NCOA2: variants seen among roughly 807,000 people sequenced by gnomAD.
The protein encoded by NCOA2 is class E basic helix-loop-helix protein 75.
NCOA2 carries 21 observed loss-of-function variants against 145.1 expected under a neutral mutation model. That is an observed-to-expected ratio of 0.14 (90% CI 0.10 to 0.21). The LOEUF is 0.21. NCOA2 is among the 10% of genes least tolerant of loss of function. The pLI, the probability that NCOA2 is intolerant of heterozygous loss-of-function variation, is 1.00. For missense variants in NCOA2, 1,472 were observed against 1,837.6 expected (o/e 0.80, Z 3.64); for synonymous variants, 619 against 637.5 (o/e 0.97, Z 0.44).
chr8:70,334,405 C>T (rs925129863), intron 1 of NCOA2, among the ~76,000 whole-genome samples: 25 of 152,180 alleles, frequency 1.6e-4, no homozygotes, highest in Admixed American at 1.5e-3. Context: ...CCTTTATTAG[C>T]TCTACCTATT....
intron 22 of NCOA2, 64 bp from the exon 23 acceptor site, chr8:70,113,707 C>A: frequency 6.8e-7 from 1 of 1,463,028 alleles, no homozygotes; most frequent in Non-Finnish European, 9.4e-7. Context: ...CATCATAAAG[C>A]CCACCACAAA....
upstream of NCOA2, among the ~76,000 whole-genome samples, chr8:70,407,264 C>T (rs1453808483): frequency 6.6e-6 from 1 of 152,166 alleles, no homozygotes; most frequent in East Asian, 1.9e-4. Flanking sequence ...TTCTAAATCC[C>T]TTAAATAGTA....
the NCOA2 span, among the ~76,000 whole-genome samples, chr8:70,450,573 C>CTTT: frequency 6.0e-3 from 564 of 94,584 alleles, 30 homozygotes; most frequent in African/African-American, 0.018. Flanking sequence ...TCTTTTTATT[C>CTTT]TTTTTTTTTT....
intron 2 of NCOA2, among the ~76,000 whole-genome samples, chr8:70,239,169 G>A (rs1190883387): frequency 2.0e-5 from 3 of 152,092 alleles, no homozygotes; most frequent in East Asian, 1.9e-4. Flanking sequence ...AGTTTACCTG[G>A]GAATTGAAAT....
At chr8:70,417,474 G>A in the NCOA2 span, among the ~76,000 whole-genome samples, 74 of 151,984 alleles carry the variant, frequency 4.9e-4, no homozygotes, top group African/African-American at 1.7e-3. Context: ...GCTTTAACCT[G>A]GGAGGCAGAG....
At chr8:70,159,845 A>G (rs1812748358) in intron 9 of NCOA2, among the ~76,000 whole-genome samples, 193 bp from the exon 10 acceptor site, 2 of 152,372 alleles carry the variant, frequency 1.3e-5, no homozygotes, top group Admixed American at 6.5e-5. Flanking sequence ...TTTCACTGAA[A>G]ATACCAATAA....
At chr8:70,427,594 G>A in the NCOA2 span, among the ~76,000 whole-genome samples, 3 of 152,132 alleles carry the variant, frequency 2.0e-5, no homozygotes, top group Non-Finnish European at 2.9e-5. Flanking sequence ...TATTCTAAAA[G>A]CCCTTACAAA....
At chr8:70,227,589 C>T (rs913775018) in intron 2 of NCOA2, among the ~76,000 whole-genome samples, 4 of 152,144 alleles carry the variant, frequency 2.6e-5, no homozygotes, top group South Asian at 2.1e-4. Flanking sequence ...ACTTACTCTT[C>T]GTCAGATCAT....
chr8:70,133,461 G>A (rs1340403526), intron 15 of NCOA2, among the ~76,000 whole-genome samples: 2 of 152,004 alleles, frequency 1.3e-5, no homozygotes, highest in Non-Finnish European at 2.9e-5. Context: ...CTGGACTCAA[G>A]CAATCCTCCC....
intron 2 of NCOA2, among the ~76,000 whole-genome samples, chr8:70,220,845 C>T (rs1382494478): frequency 6.6e-6 from 1 of 152,086 alleles, no homozygotes; most frequent in Non-Finnish European, 1.5e-5. Context: ...TGTAAAACTG[C>T]CAGATGCATT....
chr8:70,303,444 C>G (rs916489130), intron 1 of NCOA2, among the ~76,000 whole-genome samples: 1 of 152,154 alleles, frequency 6.6e-6, no homozygotes, highest in African/African-American at 2.4e-5. Flanking sequence ...ATTAAGATTT[C>G]TACTTGATGT....
chr8:70,238,403 AC>A (rs1821840904), intron 2 of NCOA2, among the ~76,000 whole-genome samples: 1 of 142,390 alleles, frequency 7.0e-6, no homozygotes, highest in Middle Eastern at 3.3e-3. Context: ...TTCCTATTTT[AC>A]AGAGGAGAAA....
intron 7 of NCOA2, among the ~76,000 whole-genome samples, chr8:70,165,075 T>C (rs1372902217): frequency 6.6e-6 from 1 of 152,186 alleles, no homozygotes; most frequent in Non-Finnish European, 1.5e-5. Flanking sequence ...GTACAAAAAA[T>C]GTTTATAAAG....
At chr8:70,343,238 A>G (rs952866984) in intron 1 of NCOA2, among the ~76,000 whole-genome samples, 2 of 152,200 alleles carry the variant, frequency 1.3e-5, no homozygotes, top group Non-Finnish European at 2.9e-5. Flanking sequence ...AAATGAAATC[A>G]GTGTAAAATT....
At chr8:70,379,323 A>T (rs922111249) in intron 1 of NCOA2, among the ~76,000 whole-genome samples, 5 of 152,196 alleles carry the variant, frequency 3.3e-5, no homozygotes, top group African/African-American at 1.2e-4. Context: ...GGACGGGACA[A>T]ACCCTATGTT....
At chr8:70,180,636 T>C (rs1004019029) in intron 4 of NCOA2, among the ~76,000 whole-genome samples, 2 of 152,254 alleles carry the variant, frequency 1.3e-5, no homozygotes, top group African/African-American at 4.8e-5. Flanking sequence ...AAAATATTTA[T>C]TTTTTGAAGC....
chr8:70,189,053 T>C (rs988202764), intron 4 of NCOA2, among the ~76,000 whole-genome samples: 7 of 152,216 alleles, frequency 4.6e-5, no homozygotes, highest in African/African-American at 1.2e-4. Context: ...TCTTCTTTTC[T>C]TTCTTTCTTC....
the NCOA2 span, among the ~76,000 whole-genome samples, chr8:70,428,420 A>G: frequency 7.5e-6 from 1 of 132,588 alleles, no homozygotes; most frequent in Non-Finnish European, 1.8e-5. Context: ...TAATCATGCC[A>G]CTTCACTTCA....
At chr8:70,306,908 T>C (rs1323208981) in intron 1 of NCOA2, among the ~76,000 whole-genome samples, 1 of 152,024 alleles carries the variant, frequency 6.6e-6, no homozygotes, top group South Asian at 2.1e-4. Flanking sequence ...ATGAGGAAAC[T>C]AAGAGAAGTT....
Sources: gnomAD v4.1 joint callset for allele counts (sites outside exome capture counted in the v4.1 genomes callset) on GRCh38, gnomAD v4.1.1 for gene constraint, MANE v1.5 for transcripts, NCBI Gene and HGNC (gene_info 2026-07-23, HGNC 2026-07-21) for gene names.